Variants in MTMR8 observed in about 807,000 individuals in gnomAD.
The protein encoded by MTMR8 is phosphatidylinositol-3,5-bisphosphate 3-phosphatase MTMR8.
Under a neutral mutation model 39.3 loss-of-function variants are expected in MTMR8, and 65 were observed. That is an observed-to-expected ratio of 1.65 (90% CI 1.35 to 2.03). MTMR8 has a LOEUF of 2.03. Among genes scored for constraint, MTMR8 ranks in the 30% most tolerant of loss-of-function variants. The pLI, the probability that MTMR8 is intolerant of heterozygous loss-of-function variation, is 0.00. For synonymous variants in MTMR8, 245 were observed against 185.2 expected (o/e 1.32, Z -2.62); for missense variants, 777 against 538.9 (o/e 1.44, Z -4.37).
At chrX:64,305,855 C>T (rs1922094457) in intron 12 of MTMR8, 1 of 290,041 alleles carries the variant, frequency 3.4e-6, no homozygotes, top group Non-Finnish European at 6.4e-6. Flanking sequence ...GTGGCTCACA[C>T]TTGGAATGCT....
chrX:64,301,709 T>A (rs1434526230), intron 12 of MTMR8, among the ~76,000 whole-genome samples: 2 of 111,477 alleles, frequency 1.8e-5, no homozygotes, highest in African/African-American at 6.5e-5. Flanking sequence ...TTTGCGGTTT[T>A]ATCTACTTTT....
chrX:64,383,364 TATATG>T (rs976981124), intron 1 of MTMR8, among the ~76,000 whole-genome samples: 5 of 109,461 alleles, frequency 4.6e-5, no homozygotes, highest in South Asian at 3.8e-4. Flanking sequence ...CAGTATTATA[TATATG>T]ATATAATTTA....
At chrX:64,385,830 T>C (rs1029535497) in intron 1 of MTMR8, among the ~76,000 whole-genome samples, 11 of 111,582 alleles carry the variant, frequency 9.9e-5, no homozygotes, top group African/African-American at 1.6e-4. Context: ...GTCTTCAACA[T>C]TGGGGACTAC....
chrX:64,342,557 G>C (rs1325099803), intron 8 of MTMR8, among the ~76,000 whole-genome samples: 1 of 112,181 alleles, frequency 8.9e-6, no homozygotes, highest in Non-Finnish European at 1.9e-5. Context: ...TTCAGAAAGG[G>C]ACTATAGATA....
chrX:64,329,733 T>C (rs1270447915), intron 11 of MTMR8, among the ~76,000 whole-genome samples: 4 of 111,401 alleles, frequency 3.6e-5, no homozygotes, highest in Non-Finnish European at 7.5e-5. Context: ...GTCTTGTAAC[T>C]TTTGCAATTG....
chrX:64,301,000 G>T (rs1314726361), intron 12 of MTMR8, among the ~76,000 whole-genome samples: 1 of 106,082 alleles, frequency 9.4e-6, no homozygotes, highest in Non-Finnish European at 2.0e-5. Context: ...CTCTCTGGCT[G>T]CCCTTAACAT....
At chrX:64,337,190 T>A in intron 9 of MTMR8, 78 bp downstream of exon 9, 1 of 1,083,616 alleles carries the variant, frequency 9.2e-7, no homozygotes, top group Non-Finnish European at 1.2e-6. Context: ...GCAAAAAAAA[T>A]ATTGTTTGAC....
chrX:64,356,640 T>C (rs1240000369), intron 2 of MTMR8, among the ~76,000 whole-genome samples: 3 of 111,028 alleles, frequency 2.7e-5, no homozygotes, highest in African/African-American at 9.8e-5. Context: ...ACTTTTAGCA[T>C]GCTGTGATAG....
intron 8 of MTMR8, among the ~76,000 whole-genome samples, chrX:64,339,153 G>A (rs745431981): frequency 4.5e-5 from 5 of 111,257 alleles, no homozygotes; most frequent in Non-Finnish European, 7.5e-5. Context: ...TATACACTGT[G>A]TGCATAGTTG....
In MTMR8 at chrX:64,343,665, T is replaced by C. The variant is rs1923272678; in HGVS notation, c.921A>G (p.Ser307=). 2 of 1,209,662 alleles carry C rather than the reference T, an allele frequency of 1.7e-6. No homozygotes were observed. The highest frequency in any genetic ancestry group is 1.7e-5 in the African/African-American group (1 of 57,906). The change falls in exon 8 of 14, where the codon TCA becomes TCG. Residue 307 remains serine (S), a synonymous_variant. Coordinates refer to ENST00000374852, the MANE Select transcript of MTMR8 (RefSeq NM_017677.4). ...MSEFLSGLES[S]GWLRHIKAIM... ...TAGCTTTAATGTGTCTTAACCACCC[T>C]GAGCTCTCCAGGCCGCTAAGAAATT...
At chrX:64,319,130 T>C (rs1317111612) in intron 12 of MTMR8, among the ~76,000 whole-genome samples, 1 of 112,582 alleles carries the variant, frequency 8.9e-6, no homozygotes, top group Admixed American at 9.4e-5. Context: ...GAAAAATACC[T>C]ATCATTGGTG....
At chrX:64,311,505 C>G (rs1390459324) in intron 12 of MTMR8, among the ~76,000 whole-genome samples, 1 of 111,525 alleles carries the variant, frequency 9.0e-6, no homozygotes, top group African/African-American at 3.3e-5. Flanking sequence ...TTAATTAGAT[C>G]CCATTTGTCT....
intron 12 of MTMR8, among the ~76,000 whole-genome samples, chrX:64,277,074 CTTT>C (rs762971848): frequency 9.0e-6 from 1 of 110,840 alleles, no homozygotes; most frequent in Non-Finnish European, 1.9e-5. Flanking sequence ...GCAACCCCTG[CTTT>C]TTTTTGCTTT....
chrX:64,328,829 T>G lies in MTMR8; in HGVS notation c.1424A>C (p.Tyr475Ser). The G allele has an allele frequency of 1.7e-6, 2 of 1,202,763 alleles. No individual in the cohort carries two copies. The highest frequency in any genetic ancestry group is 6.0e-5 in the East Asian group (2 of 33,600). Residue 475 changes from tyrosine to serine, a missense_variant, in exon 12 of 14, where the codon TAT becomes TCT. Physicochemically the swap from Tyr to Ser is moderately radical, Grantham distance 144 (BLOSUM62 -2). Coordinates refer to ENST00000374852, the MANE Select transcript of MTMR8 (RefSeq NM_017677.4). ...TACCCCATACATAGTGAAGCCTTTA[T>G]AGAGAGGGTTCCTGAAGTCTGGTTT... ...QRKPDFRNPL[Y>S]KGFTMYGVLN...
chrX:64,311,300 T>C (rs1922290115), intron 12 of MTMR8, among the ~76,000 whole-genome samples: 2 of 112,137 alleles, frequency 1.8e-5, no homozygotes, highest in African/African-American at 6.5e-5. Flanking sequence ...ATGTCTTCTT[T>C]TGAGACGTGT....
At chrX:64,297,721 C>T (rs1400132059) in intron 12 of MTMR8, among the ~76,000 whole-genome samples, 1 of 107,519 alleles carries the variant, frequency 9.3e-6, no homozygotes, top group Non-Finnish European at 1.9e-5. Context: ...TTAGGTCTAA[C>T]GTTTAAATCT....
In MTMR8 at chrX:64,362,630, G is replaced by A. The variant is rs982437217; in HGVS notation, c.25-3103C>T. ...AAAAGAGTATTTGCTAGATGTGTTGGGGAAACAGTATTAGTACATGCAGTA... is the reference window on the plus strand; with the variant it reads ...AAAAGAGTATTTGCTAGATGTGTTGAGGAAACAGTATTAGTACATGCAGTA... On this transcript the variant is annotated intron_variant, in intron 1 of 13. Coordinates refer to ENST00000374852, the MANE Select transcript of MTMR8 (RefSeq NM_017677.4). Among the ~76,000 whole-genome samples, 3 of 109,514 alleles carry A rather than the reference G, an allele frequency of 2.7e-5. No homozygotes were observed. In the Admixed American group the frequency reaches 2.9e-4, roughly 11 times the overall value.
At chrX:64,290,782 T>C (rs752700620) in intron 12 of MTMR8, among the ~76,000 whole-genome samples, 1 of 112,468 alleles carries the variant, frequency 8.9e-6, no homozygotes, top group South Asian at 3.7e-4. Context: ...AGGTGTTGCA[T>C]ATATTTAGTT....
At chrX:64,355,510 A>T (rs1366964300) in intron 3 of MTMR8, among the ~76,000 whole-genome samples, 1 of 111,797 alleles carries the variant, frequency 8.9e-6, no homozygotes, top group African/African-American at 3.2e-5. Context: ...CCTATCAGAG[A>T]CTTGTAAAAT....
Sources: allele counts gnomAD v4.1 joint callset (sites outside exome capture counted in the v4.1 genomes callset), GRCh38; gene constraint gnomAD v4.1.1; transcripts MANE v1.5; gene names NCBI Gene and HGNC (gene_info 2026-07-23, HGNC 2026-07-21).